Variants in POU2AF2 observed in about 807,000 individuals in gnomAD.
The protein encoded by POU2AF2 is POU domain class 2-associating factor 2.
At chr11:111,276,262 G>A in the POU2AF2 span, among the ~76,000 whole-genome samples, 1 of 151,314 alleles carries the variant, frequency 6.6e-6, no homozygotes, top group Non-Finnish European at 1.5e-5. Context: ...GAAACAGTCA[G>A]AAATAAGGAA....
the POU2AF2 span, among the ~76,000 whole-genome samples, chr11:111,268,477 TTTTTA>T: frequency 0.04 from 3,100 of 77,076 alleles, 126 homozygotes; most frequent in African/African-American, 0.079. Context: ...CATTTTTCTT[TTTTTA>T]TTTTATTTTA....
At chr11:111,284,747 C>G in the POU2AF2 span, among the ~76,000 whole-genome samples, 1 of 152,176 alleles carries the variant, frequency 6.6e-6, no homozygotes, top group Non-Finnish European at 1.5e-5. Context: ...CTCAGACATG[C>G]TAGGCAGTAA....
chr11:111,273,687 C>A, the POU2AF2 span, among the ~76,000 whole-genome samples: 2 of 152,172 alleles, frequency 1.3e-5, no homozygotes, highest in East Asian at 3.8e-4. Context: ...ACTAGGTTGG[C>A]ACCTAAAAAT....
At chr11:111,285,817 G>A in the POU2AF2 span, 1 of 1,608,276 alleles carries the variant, frequency 6.2e-7, no homozygotes, top group Non-Finnish European at 8.5e-7. Context: ...CCCTGGCTGG[G>A]GCTCAGTCAT....
the POU2AF2 span, among the ~76,000 whole-genome samples, chr11:111,285,209 C>A: frequency 6.6e-6 from 1 of 152,118 alleles, no homozygotes; most frequent in Non-Finnish European, 1.5e-5. Context: ...ACAGAGTGGG[C>A]TTCTCAGTCC....
At chr11:111,261,092 C>T in the POU2AF2 span, among the ~76,000 whole-genome samples, 4 of 152,224 alleles carry the variant, frequency 2.6e-5, no homozygotes, top group Admixed American at 2.0e-4. Context: ...CACTTCTATA[C>T]ATTTTAGCTA....
chr11:111,279,580 T>C, the POU2AF2 span, among the ~76,000 whole-genome samples: 1 of 152,188 alleles, frequency 6.6e-6, no homozygotes, highest in Non-Finnish European at 1.5e-5. Flanking sequence ...CATGACCTTG[T>C]CCCATCTGCA....
chr11:111,280,057 A>AAT, the POU2AF2 span, among the ~76,000 whole-genome samples: 218 of 76,462 alleles, frequency 2.9e-3, 3 homozygotes, highest in South Asian at 0.014. Flanking sequence ...AAAAAAAAAA[A>AAT]ATATATATAT....
the POU2AF2 span, among the ~76,000 whole-genome samples, chr11:111,275,066 T>G: frequency 5.0e-4 from 76 of 152,370 alleles, no homozygotes; most frequent in Admixed American, 1.0e-3. Flanking sequence ...TATAAGTAAG[T>G]GCTTATGAAT....
chr11:111,251,585 C>A, the POU2AF2 span, among the ~76,000 whole-genome samples: 3 of 152,212 alleles, frequency 2.0e-5, no homozygotes, highest in African/African-American at 4.8e-5. Flanking sequence ...TGCTTCCTGT[C>A]TCTTTGTTCT....
the POU2AF2 span, among the ~76,000 whole-genome samples, chr11:111,266,993 G>C: frequency 6.6e-6 from 1 of 152,142 alleles, no homozygotes; most frequent in South Asian, 2.1e-4. Context: ...CCTGTGTGAT[G>C]GGTGGCCCCA....
the POU2AF2 span, among the ~76,000 whole-genome samples, chr11:111,280,650 T>C: frequency 6.6e-6 from 1 of 152,144 alleles, no homozygotes; most frequent in East Asian, 1.9e-4. Flanking sequence ...GTGCTTGTGT[T>C]CAAGTCACCC....
chr11:111,249,636 C>G, the POU2AF2 span, among the ~76,000 whole-genome samples: 2 of 152,172 alleles, frequency 1.3e-5, no homozygotes, highest in Non-Finnish European at 2.9e-5. Context: ...ACTCGACTGT[C>G]TTTCTTACCT....
the POU2AF2 span, chr11:111,284,242 C>T: frequency 1.2e-6 from 2 of 1,614,220 alleles, no homozygotes; most frequent in South Asian, 2.2e-5. Flanking sequence ...TCCTGGAGCC[C>T]TACTTCCCCC....
At chr11:111,284,244 A>G in the POU2AF2 span, 41 of 1,614,012 alleles carry the variant, frequency 2.5e-5, no homozygotes, top group Non-Finnish European at 3.2e-5. Context: ...CTGGAGCCCT[A>G]CTTCCCCCAG....
At chr11:111,270,675 C>G in the POU2AF2 span, among the ~76,000 whole-genome samples, 1 of 152,020 alleles carries the variant, frequency 6.6e-6, no homozygotes, top group South Asian at 2.1e-4. Context: ...GAAGACCTGC[C>G]AGCCGCCTCT....
the POU2AF2 span, chr11:111,284,325 T>A: frequency 6.2e-7 from 1 of 1,611,862 alleles, no homozygotes; most frequent in Non-Finnish European, 8.5e-7. Flanking sequence ...GCCTCGCCCC[T>A]ACCGCCGCTC....
chr11:111,262,320 C>A, the POU2AF2 span, among the ~76,000 whole-genome samples: 1 of 152,172 alleles, frequency 6.6e-6, no homozygotes, highest in South Asian at 2.1e-4. Flanking sequence ...TAAAGTTGGG[C>A]AGACTTTAAC....
At chr11:111,249,043 C>A in the POU2AF2 span, among the ~76,000 whole-genome samples, 5,994 of 152,280 alleles carry the variant, frequency 0.039, 317 homozygotes, top group East Asian at 0.26. Flanking sequence ...CACAGTCCTA[C>A]AGTGCAAAAA....
Sources: allele counts gnomAD v4.1 joint callset (sites outside exome capture counted in the v4.1 genomes callset), GRCh38; gene constraint gnomAD v4.1.1; transcripts MANE v1.5; gene names NCBI Gene and HGNC (gene_info 2026-07-23, HGNC 2026-07-21).